Variants in HDAC9 observed in about 807,000 individuals in gnomAD.
The protein encoded by HDAC9 is histone deacetylase 9.
HDAC9 carries 41 observed loss-of-function variants against 139.4 expected under a neutral mutation model. That is an observed-to-expected ratio of 0.29 (90% CI 0.23 to 0.38). The LOEUF is 0.38. Ranked by LOEUF, HDAC9 falls within the 10% of genes least tolerant of loss-of-function variation. The probability of loss-of-function intolerance (pLI) is 1.00; values close to 1 mark genes in which losing one functional copy is unlikely to be tolerated. For missense variants in HDAC9, 1,147 were observed against 1,297.0 expected (o/e 0.88, Z 1.78); for synonymous variants, 517 against 476.2 (o/e 1.09, Z -1.12).
At chr7:18,533,378 G>A (rs1009800818) in intron 2 of HDAC9, among the ~76,000 whole-genome samples, 5 of 151,596 alleles carry the variant, frequency 3.3e-5, no homozygotes, top group South Asian at 2.1e-4. Flanking sequence ...CTTCTTTGTC[G>A]GTTTTATTTT....
chr7:18,979,562 G>T (rs899185089), intron 25 of HDAC9, among the ~76,000 whole-genome samples: 1 of 152,122 alleles, frequency 6.6e-6, no homozygotes, highest in Non-Finnish European at 1.5e-5. Context: ...GGCTGTTCTT[G>T]CATTGCTATT....
chr7:18,480,904 G>A (rs1181092836), intron 1 of HDAC9, among the ~76,000 whole-genome samples: 1 of 152,120 alleles, frequency 6.6e-6, no homozygotes, highest in Non-Finnish European at 1.5e-5. Flanking sequence ...ACTAGTATCT[G>A]CATCCAGTGA....
chr7:18,406,727 T>C (rs1411255241), intron 1 of HDAC9, among the ~76,000 whole-genome samples: 1 of 152,176 alleles, frequency 6.6e-6, no homozygotes, highest in Non-Finnish European at 1.5e-5. Flanking sequence ...GTATAACTTT[T>C]TTGGATGCCT....
chr7:18,615,225 C>T (rs1469577226), intron 6 of HDAC9, among the ~76,000 whole-genome samples: 1 of 152,148 alleles, frequency 6.6e-6, no homozygotes, highest in Non-Finnish European at 1.5e-5. Context: ...TTTTGATTAA[C>T]TATTTTGAAG....
chr7:18,488,436 G>T (rs1796129748), intron 1 of HDAC9, among the ~76,000 whole-genome samples: 1 of 151,986 alleles, frequency 6.6e-6, no homozygotes. Flanking sequence ...TGAAACATTA[G>T]TTTTAGGGTC....
intron 22 of HDAC9, among the ~76,000 whole-genome samples, chr7:18,893,717 T>C (rs1017162445): frequency 6.6e-6 from 1 of 152,106 alleles, no homozygotes; most frequent in African/African-American, 2.4e-5. Flanking sequence ...ATAGAGTACA[T>C]TAGGAGTTCA....
chr7:18,117,066 A>G (rs181821891), intron 1 of HDAC9, among the ~76,000 whole-genome samples: 33 of 152,314 alleles, frequency 2.2e-4, no homozygotes, highest in Admixed American at 1.8e-3. Context: ...CAACATTATA[A>G]ACTATTTCCA....
intron 22 of HDAC9, among the ~76,000 whole-genome samples, chr7:18,935,490 G>A (rs942314661): frequency 6.6e-6 from 1 of 152,150 alleles, no homozygotes; most frequent in Non-Finnish European, 1.5e-5. Context: ...AACACCTGCT[G>A]AAGAGTATTC....
chr7:18,417,177 T>A (rs1435503905), intron 1 of HDAC9, among the ~76,000 whole-genome samples: 2 of 152,180 alleles, frequency 1.3e-5, no homozygotes, highest in Non-Finnish European at 2.9e-5. Context: ...GCCTTCACAT[T>A]TACTAATCTT....
At chr7:18,872,989 C>G (rs538259468) in intron 21 of HDAC9, among the ~76,000 whole-genome samples, 1 of 152,232 alleles carries the variant, frequency 6.6e-6, no homozygotes, top group South Asian at 2.1e-4. Flanking sequence ...AATTGAGTAT[C>G]TTGATAAAGC....
At chr7:18,557,386 T>A (rs1165518567) in intron 2 of HDAC9, among the ~76,000 whole-genome samples, 1 of 151,190 alleles carries the variant, frequency 6.6e-6, no homozygotes, top group Non-Finnish European at 1.5e-5. Flanking sequence ...CTGGTATACT[T>A]TAAAGTCACC....
At chr7:18,672,295 A>G (rs1253330626) in intron 12 of HDAC9, among the ~76,000 whole-genome samples, 1 of 152,002 alleles carries the variant, frequency 6.6e-6, no homozygotes, top group African/African-American at 2.4e-5. Flanking sequence ...TATTTCATTA[A>G]TGACTAATGA....
At chr7:18,388,751 T>G (rs1236107422) in intron 1 of HDAC9, among the ~76,000 whole-genome samples, 4 of 152,204 alleles carry the variant, frequency 2.6e-5, no homozygotes, top group Non-Finnish European at 5.9e-5. Flanking sequence ...GCTTTATTCT[T>G]AGCTACAATA....
At position 18,279,182 on chromosome 7, in the gene HDAC9, G is replaced by A. The variant is rs115027235; in HGVS notation, c.25+116833G>A. Reference sequence around the variant, plus strand: ...TGTAGCAAACTGCTTTTTATTAAACGTACTTGACACAACACAAGGAGATGG... The same window carrying A: ...TGTAGCAAACTGCTTTTTATTAAACATACTTGACACAACACAAGGAGATGG... On this transcript the variant is annotated intron_variant, in intron 2 of 12. Transcript: ENST00000417496. Among the ~76,000 whole-genome samples the A allele has an allele frequency of 4.6e-3, 694 of 152,156 alleles. 3 individuals are homozygous for A. The highest frequency in any genetic ancestry group is 0.016 in the African/African-American group (674 of 41,514).
intron 17 of HDAC9, among the ~76,000 whole-genome samples, chr7:18,809,441 A>G (rs576572359): frequency 6.6e-6 from 1 of 152,206 alleles, no homozygotes; most frequent in Non-Finnish European, 1.5e-5. Flanking sequence ...CATATATATG[A>G]TAAGAGGTTA....
intron 2 of HDAC9, among the ~76,000 whole-genome samples, chr7:18,538,747 T>C (rs1259473373): frequency 6.6e-6 from 1 of 152,222 alleles, no homozygotes; most frequent in South Asian, 2.1e-4. Context: ...AAGTGAAAAT[T>C]GTAAAATTAT....
At position 18,447,384 on chromosome 7, in the gene HDAC9, A is replaced by G. The variant is rs991303864; in HGVS notation, c.-41-48878A>G. On this transcript the variant is annotated intron_variant, in intron 1 of 3. Transcript: ENST00000413509. Reference sequence around the variant, plus strand: ...TTTTCATTTACCATTTTTTTACTTCAGAGATAAAAATAAAACCAATAAAGT... The same window carrying G: ...TTTTCATTTACCATTTTTTTACTTCGGAGATAAAAATAAAACCAATAAAGT... Among the ~76,000 whole-genome samples the G allele has an allele frequency of 3.3e-5, 5 of 152,286 alleles. No homozygotes were observed. The East Asian group carries it at 5.8e-4, about 18-fold the overall frequency.
chr7:18,121,056 A>G (rs1784338318), intron 1 of HDAC9, among the ~76,000 whole-genome samples: 1 of 152,240 alleles, frequency 6.6e-6, no homozygotes, highest in Non-Finnish European at 1.5e-5. Flanking sequence ...ACTGTGTTTT[A>G]CTTACATCTC....
chr7:18,415,025 A>G (rs1788918531), intron 1 of HDAC9, among the ~76,000 whole-genome samples: 1 of 151,920 alleles, frequency 6.6e-6, no homozygotes, highest in East Asian at 1.9e-4. Flanking sequence ...CCTTCTTCTC[A>G]TTGTGTTCCC....
Sources: allele counts gnomAD v4.1 joint callset (sites outside exome capture counted in the v4.1 genomes callset), GRCh38; gene constraint gnomAD v4.1.1; transcripts MANE v1.5; gene names NCBI Gene and HGNC (gene_info 2026-07-23, HGNC 2026-07-21).